IGBP1: variants seen among roughly 807,000 people sequenced by gnomAD.
IGBP1 encodes the protein immunoglobulin binding protein 1.
A neutral mutation model predicts 25.9 loss-of-function variants in IGBP1; 2 were observed. That is an observed-to-expected ratio of 0.08 (90% CI 0.03 to 0.24). The LOEUF (loss-of-function observed/expected upper bound fraction) is 0.24, where lower values mean the gene tolerates loss of function less well. IGBP1 is among the 10% of genes least tolerant of loss of function. The pLI is 1.00. For missense variants in IGBP1, 187 were observed against 260.4 expected, an observed-to-expected ratio of 0.72 and a Z score of 1.94; for synonymous variants, 96 against 93.4, an observed-to-expected ratio of 1.03 and a Z score of -0.16.
chrX:70,134,118 G>A lies in IGBP1; in HGVS notation c.171G>A (p.Ser57=). 1 of 1,209,968 alleles carries A rather than the reference G, an allele frequency of 8.3e-7. No individual in the cohort carries two copies. The highest frequency in any genetic ancestry group is 1.7e-5 in the African/African-American group (1 of 57,885). The change falls in exon 2 of 7, where the codon TCG becomes TCA. Residue 57 remains serine, a synonymous_variant. Coordinates refer to ENST00000356413, the MANE Select transcript of IGBP1 (RefSeq NM_001551.3). ...TTGAGAAGGCTGCCGAAATGTTATC[G>A]CAGCTCGACTTGTTCAGGTATGGGG... ...DLLEKAAEML[S]QLDLFSRNED... is the part of the protein sequence containing the mutation.
At chrX:70,134,389 A>C (rs2085082318) in intron 2 of IGBP1, 134 bp from the exon 3 acceptor site, 3 of 690,297 alleles carry the variant, frequency 4.3e-6, no homozygotes, top group Non-Finnish European at 2.2e-6. Context: ...TCATTGAGTG[A>C]AACTGGCCGC....
intron 6 of IGBP1, 112 bp from the exon 7 acceptor site, chrX:70,165,721 T>C: frequency 5.8e-6 from 4 of 686,410 alleles, no homozygotes; most frequent in Non-Finnish European, 9.2e-6. Flanking sequence ...CAGCTGGCTG[T>C]ATTCCTGTTC....
intron 6 of IGBP1, among the ~76,000 whole-genome samples, chrX:70,152,888 A>G (rs1225959783): frequency 8.9e-6 from 1 of 112,239 alleles, no homozygotes; most frequent in Non-Finnish European, 1.9e-5. Flanking sequence ...TTGGAATGCC[A>G]GTACCAGAGG....
intron 6 of IGBP1, among the ~76,000 whole-genome samples, chrX:70,151,706 C>T (rs1274966532): frequency 9.0e-6 from 1 of 110,610 alleles, no homozygotes; most frequent in Admixed American, 9.6e-5. Context: ...GGCGAAACCC[C>T]GTCGCTACCA....
In IGBP1 at chrX:70,134,854, C is replaced by T. The variant is rs2085085753; in HGVS notation, c.482+38C>T. 4 of 1,156,593 alleles carry T rather than the reference C, an allele frequency of 3.5e-6. No homozygotes were observed. In the Middle Eastern group the frequency reaches 7.1e-4, roughly 206 times the overall value. Reference sequence around the variant, plus strand: ...CTATAATATGAGGCCTGCCCAATGGCGGTGCTTTTCAGGGGCATGCTTTCT... The same window carrying T: ...CTATAATATGAGGCCTGCCCAATGGTGGTGCTTTTCAGGGGCATGCTTTCT... On this transcript the variant is annotated intron_variant, in intron 3 of 6. Transcript: ENST00000356413.
At chrX:70,164,442 T>G (rs888968291) in intron 6 of IGBP1, among the ~76,000 whole-genome samples, 1 of 111,778 alleles carries the variant, frequency 8.9e-6, no homozygotes, top group Non-Finnish European at 1.9e-5. Flanking sequence ...AGGGATCTTT[T>G]GGGGTTATAG....
chrX:70,138,453 C>A (rs1424804638), intron 3 of IGBP1, among the ~76,000 whole-genome samples: 1 of 91,283 alleles, frequency 1.1e-5, no homozygotes, highest in Non-Finnish European at 2.1e-5. Flanking sequence ...TGTATTCCAG[C>A]CTAGGTGACA....
intron 6 of IGBP1, among the ~76,000 whole-genome samples, chrX:70,150,679 A>G (rs1037162508): frequency 8.9e-6 from 1 of 112,115 alleles, no homozygotes; most frequent in Non-Finnish European, 1.9e-5. Context: ...AAAATATTTT[A>G]AAAACCAACT....
chrX:70,145,922 G>A (rs1199708107), intron 3 of IGBP1, among the ~76,000 whole-genome samples: 1 of 111,675 alleles, frequency 9.0e-6, no homozygotes, highest in Admixed American at 9.6e-5. Flanking sequence ...CACTTATCAC[G>A]ACCTAACTCA....
At chrX:70,137,121 A>G (rs1244811025) in intron 3 of IGBP1, among the ~76,000 whole-genome samples, 1 of 111,898 alleles carries the variant, frequency 8.9e-6, no homozygotes, top group Non-Finnish European at 1.9e-5. Flanking sequence ...AAAGGTGACT[A>G]GGGTTTACTA....
intron 1 of IGBP1, 40 bp downstream of exon 1, chrX:70,133,580 T>A (rs1012938967): frequency 2.6e-6 from 1 of 383,094 alleles, no homozygotes; most frequent in Non-Finnish European, 4.5e-6. Context: ...ACGCACTCGC[T>A]CGTCCGCACT....
At chrX:70,165,717 G>A in intron 6 of IGBP1, 116 bp from the exon 7 acceptor site, 1 of 652,860 alleles carries the variant, frequency 1.5e-6, no homozygotes, top group Non-Finnish European at 2.5e-6. Flanking sequence ...TAGGCAGCTG[G>A]CTGTATTCCT....
intron 6 of IGBP1, among the ~76,000 whole-genome samples, chrX:70,163,297 A>G (rs2085280646): frequency 9.0e-6 from 1 of 110,644 alleles, no homozygotes; most frequent in South Asian, 3.8e-4. Context: ...GGGTTCAAGC[A>G]GTCCTCCCAC....
At chrX:70,154,574 C>T (rs2085225436) in intron 6 of IGBP1, among the ~76,000 whole-genome samples, 2 of 105,823 alleles carry the variant, frequency 1.9e-5, no homozygotes. Flanking sequence ...TAAAACCCAA[C>T]AATAAGAAAA....
rs747921381 is a variant in IGBP1, at chrX:70,133,956, T to G, written c.9T>G (p.Ala3=). 6 of 1,211,099 alleles carry G rather than the reference T, an allele frequency of 5.0e-6. No homozygotes were observed. The Admixed American group carries it at 8.7e-5, about 18-fold the overall frequency. ...GTTCCTCTCTCCCCAAGATGGCTGC[T>G]GAGGACGAGTTACAGCTGCCGCGGC... MA[A]EDELQLPRLP... is the part of the protein sequence containing the mutation. Residue 3 remains alanine, a synonymous_variant, in exon 2 of 7, where the codon GCT becomes GCG. Transcript: ENST00000356413.
At chrX:70,159,287 A>C (rs187571654) in intron 6 of IGBP1, among the ~76,000 whole-genome samples, 1 of 112,464 alleles carries the variant, frequency 8.9e-6, no homozygotes, top group African/African-American at 3.2e-5. Context: ...CATATACTAA[A>C]GATAGTAAAG....
intron 6 of IGBP1, among the ~76,000 whole-genome samples, chrX:70,156,246 A>G (rs761054147): frequency 9.3e-6 from 1 of 107,321 alleles, no homozygotes; most frequent in Admixed American, 1.0e-4. Context: ...GGGCACCAAT[A>G]GACTTGCTCG....
chrX:70,133,990 C>T lies in IGBP1; in HGVS notation c.43C>T (p.Leu15=). The T allele has an allele frequency of 8.3e-7, 1 of 1,211,389 alleles. No individual in the cohort carries two copies. Among genetic ancestry groups the T allele is most frequent in the Non-Finnish European group, 1.1e-6 (1 of 895,044 alleles). ...DELQLPRLPE[L]FETGRQLLDE... The stretch of plus-strand genomic sequence containing the variant: ...GTTACAGCTGCCGCGGCTCCCCGAG[C>T]TGTTCGAAACTGGTAGACAGTTACT... Residue 15 remains leucine, a synonymous_variant, in exon 2 of 7, where the codon CTG becomes TTG. Coordinates refer to ENST00000356413, the MANE Select transcript of IGBP1 (RefSeq NM_001551.3).
At chrX:70,137,510 A>AGT (rs1218690087) in intron 3 of IGBP1, among the ~76,000 whole-genome samples, 1 of 110,797 alleles carries the variant, frequency 9.0e-6, no homozygotes, top group Non-Finnish European at 1.9e-5. Context: ...AGATGAAGTC[A>AGT]GTGCTGCTAT....
Sources: allele counts gnomAD v4.1 joint callset (sites outside exome capture counted in the v4.1 genomes callset), GRCh38; gene constraint gnomAD v4.1.1; transcripts MANE v1.5; gene names NCBI Gene and HGNC (gene_info 2026-07-23, HGNC 2026-07-21).